Variants in LCOR observed in about 807,000 individuals in gnomAD.
LCOR encodes ligand dependent nuclear receptor corepressor, also known as ligand-dependent corepressor.
A neutral mutation model predicts 64.4 loss-of-function variants in LCOR; 14 were observed. The observed-to-expected ratio is 0.22, with a 90% CI of 0.14 to 0.34. The LOEUF is 0.34. Among genes scored for constraint, LCOR ranks in the 10% least tolerant of loss-of-function variants. The probability of loss-of-function intolerance (pLI) is 1.00; values close to 1 mark genes in which losing one functional copy is unlikely to be tolerated. For missense variants in LCOR, 1,686 were observed against 1,765.3 expected (o/e 0.96, Z 0.80); for synonymous variants, 643 against 642.5 (o/e 1.00, Z -0.01).
At chr10:96,836,377 C>A (rs1439098547) in intron 2 of LCOR, among the ~76,000 whole-genome samples, 4 of 152,020 alleles carry the variant, frequency 2.6e-5, no homozygotes. Flanking sequence ...AAGTCACTTG[C>A]CTGATAGAAC....
At chr10:96,920,484 AT>A (rs1847036872) in intron 4 of LCOR, among the ~76,000 whole-genome samples, 1 of 145,462 alleles carries the variant, frequency 6.9e-6, no homozygotes, top group Non-Finnish European at 1.5e-5. Context: ...ATATATGTAT[AT>A]TCATATATAT....
rs1848231897 is a variant in LCOR at position 96,995,118 on chromosome 10, G to T, written c.*9984G>T. 1 of 152,202 alleles carries T rather than the reference G, an allele frequency of 6.6e-6. No homozygotes were observed. Among genetic ancestry groups the T allele is most frequent in the Non-Finnish European group, 1.5e-5 (1 of 68,036 alleles). 9.4% of individuals were successfully genotyped at this position (152,202 alleles called of 1,614,324 possible). On this transcript the variant is annotated 3_prime_UTR_variant, in exon 8 of 8. Coordinates refer to ENST00000421806, the MANE Select transcript of LCOR (RefSeq NM_001346516.2). This position sits in a 1 kb window ranked among gnomAD's most constrained non-coding sequence, Gnocchi z 4.2. Reference sequence around the variant, plus strand: ...CCTTTCTGAATGAGTTTAGGGCAGGGGCTGCTGATCCGGCTGTGGATTCAG... The same window carrying T: ...CCTTTCTGAATGAGTTTAGGGCAGGTGCTGCTGATCCGGCTGTGGATTCAG...
At chr10:96,912,889 A>T (rs577253131) in intron 4 of LCOR, among the ~76,000 whole-genome samples, 1 of 149,138 alleles carries the variant, frequency 6.7e-6, no homozygotes, top group African/African-American at 2.6e-5. Context: ...TTTTCTCCCT[A>T]TGTTGTTGTT....
At chr10:96,943,531 A>G (rs151141850) in intron 4 of LCOR, among the ~76,000 whole-genome samples, 2 of 152,356 alleles carry the variant, frequency 1.3e-5, no homozygotes, top group African/African-American at 4.8e-5. Flanking sequence ...TTGACCACTT[A>G]ATCAATTTAC....
intron 2 of LCOR, among the ~76,000 whole-genome samples, chr10:96,851,083 A>C (rs746818878): frequency 8.4e-4 from 128 of 152,354 alleles, no homozygotes; most frequent in South Asian, 3.3e-3. Context: ...TTACCAGTCC[A>C]TTATTACGCT....
At chr10:96,883,585 G>T (rs1358249839) in intron 2 of LCOR, among the ~76,000 whole-genome samples, 2 of 152,196 alleles carry the variant, frequency 1.3e-5, no homozygotes, top group Non-Finnish European at 1.5e-5. Flanking sequence ...TCAACTTGCA[G>T]TTCCCTGCTG....
At chr10:96,898,448 T>G (rs1460661203) in intron 2 of LCOR, among the ~76,000 whole-genome samples, 2 of 152,230 alleles carry the variant, frequency 1.3e-5, no homozygotes, top group Non-Finnish European at 2.9e-5. Flanking sequence ...GAAATTGAAA[T>G]CTTCACTATT....
intron 2 of LCOR, among the ~76,000 whole-genome samples, chr10:96,858,144 AC>A (rs1845834907): frequency 6.6e-6 from 1 of 152,204 alleles, no homozygotes; most frequent in African/African-American, 2.4e-5. Flanking sequence ...GCATTTGAGA[AC>A]CACTGTATTA....
At chr10:96,873,960 T>A (rs1846121327) in intron 2 of LCOR, among the ~76,000 whole-genome samples, 1 of 152,144 alleles carries the variant, frequency 6.6e-6, no homozygotes, top group Non-Finnish European at 1.5e-5. Flanking sequence ...GGGACATTCA[T>A]GAGTTTTCGC....
chr10:96,852,260 T>A (rs1845732863), intron 2 of LCOR, among the ~76,000 whole-genome samples: 1 of 151,962 alleles, frequency 6.6e-6, no homozygotes, highest in Admixed American at 6.6e-5. Context: ...CTACAAAAAA[T>A]TTTTAAAAGA....
At chr10:96,874,258 A>G (rs560199618) in intron 2 of LCOR, among the ~76,000 whole-genome samples, 2 of 152,334 alleles carry the variant, frequency 1.3e-5, no homozygotes, top group East Asian at 3.9e-4. Context: ...GTGCGCCATC[A>G]TTAAAGATTC....
chr10:96,973,629 A>G (rs1848016301), intron 7 of LCOR, among the ~76,000 whole-genome samples: 1 of 152,158 alleles, frequency 6.6e-6, no homozygotes, highest in South Asian at 2.1e-4. Flanking sequence ...TTTTTGTTTT[A>G]TTTAAAGAGT....
In LCOR at chr10:96,981,456, A is replaced by G. The variant is rs1300102753; in HGVS notation, c.996A>G (p.Glu332=). The G allele has an allele frequency of 6.2e-7, 1 of 1,614,102 alleles. No homozygotes were observed. The highest frequency in any genetic ancestry group is 8.5e-7 in the Non-Finnish European group (1 of 1,180,042). The change falls in exon 8 of 8, where the codon GAA becomes GAG. Residue 332 remains glutamate (E), a synonymous_variant. Transcript: ENST00000421806. ...AAATGGCAGCTGAGAATAGTGAGGA[A>G]GGCAATACCTGTATTATTCCTCAAA... ...TVKMAAENSE[E]GNTCIIPQRN... is the part of the protein sequence containing the mutation.
At chr10:96,971,965 G>T (rs1417555957) in intron 7 of LCOR, among the ~76,000 whole-genome samples, 1 of 152,066 alleles carries the variant, frequency 6.6e-6, no homozygotes, top group African/African-American at 2.4e-5. Context: ...ACGTACAGAT[G>T]ATTTTATTAA....
At chr10:96,957,517 G>C (rs981237753) in intron 7 of LCOR, 3 of 985,258 alleles carry the variant, frequency 3.0e-6, no homozygotes, top group African/African-American at 3.5e-5. Flanking sequence ...CTAATCTGCT[G>C]AGAAAGGTGG....
intron 2 of LCOR, among the ~76,000 whole-genome samples, chr10:96,834,893 G>A (rs570621666): frequency 5.3e-5 from 8 of 152,156 alleles, no homozygotes; most frequent in African/African-American, 1.9e-4. Context: ...TTTTGTTTTT[G>A]TTTTTGTTGT....
chr10:96,841,959 A>G (rs1264197748), intron 2 of LCOR, among the ~76,000 whole-genome samples: 2 of 151,888 alleles, frequency 1.3e-5, no homozygotes, highest in African/African-American at 4.8e-5. Context: ...TTTTGATCTC[A>G]TGATTAGCTT....
At chr10:96,916,310 C>T (rs553799539) in intron 4 of LCOR, among the ~76,000 whole-genome samples, 92 of 152,116 alleles carry the variant, frequency 6.0e-4, no homozygotes, top group Non-Finnish European at 1.1e-3. Flanking sequence ...GGATTACAGG[C>T]GTGAGCCACC....
chr10:96,936,654 T>G (rs1357690621), intron 4 of LCOR, among the ~76,000 whole-genome samples: 6 of 152,184 alleles, frequency 3.9e-5, no homozygotes. Context: ...TTACCAATAC[T>G]GATGTAAGGC....
Sources: allele counts gnomAD v4.1 joint callset (sites outside exome capture counted in the v4.1 genomes callset), GRCh38; gene constraint gnomAD v4.1.1; non-coding constraint Gnocchi (gnomAD v3.1); transcripts MANE v1.5; gene names NCBI Gene and HGNC (gene_info 2026-07-23, HGNC 2026-07-21).